The following ARID1B variants were observed in gnomAD, a reference collection of about 807,000 sequenced individuals.
ARID1B encodes the protein AT-rich interactive domain-containing protein 1B.
In ARID1B, 30 loss-of-function variants were observed where a neutral mutation model predicts 212.3. The ratio of observed to expected loss-of-function variants is 0.14; its 90% CI spans 0.11 to 0.19. The LOEUF is 0.19. Among genes scored for constraint, ARID1B ranks in the 10% least tolerant of loss-of-function variants. The pLI, the probability that ARID1B is intolerant of heterozygous loss-of-function variation, is 1.00. For missense variants in ARID1B, 2,891 were observed against 3,204.0 expected, an observed-to-expected ratio of 0.90 and a Z score of 2.36; for synonymous variants, 1,402 against 1,301.7, an observed-to-expected ratio of 1.08 and a Z score of -1.66.
At chr6:156,858,404 A>G (rs1365874452) in intron 2 of ARID1B, among the ~76,000 whole-genome samples, 2 of 152,244 alleles carry the variant, frequency 1.3e-5, no homozygotes, top group Non-Finnish European at 2.9e-5. Flanking sequence ...AAGAAATGAC[A>G]AATGTTTGAG....
chr6:156,982,577 G>A (rs1054613669), intron 4 of ARID1B, among the ~76,000 whole-genome samples: 1 of 151,856 alleles, frequency 6.6e-6, no homozygotes, highest in Non-Finnish European at 1.5e-5. Flanking sequence ...TGGATATACT[G>A]GATTTATTGA....
At chr6:156,787,724 C>T (rs980468392) in intron 1 of ARID1B, among the ~76,000 whole-genome samples, 6 of 151,944 alleles carry the variant, frequency 3.9e-5, no homozygotes, top group East Asian at 1.9e-4. Context: ...GACATAATTC[C>T]GAGGGGACTG....
intron 4 of ARID1B, among the ~76,000 whole-genome samples, chr6:156,998,330 C>T (rs1174195084): frequency 1.3e-5 from 2 of 151,864 alleles, no homozygotes; most frequent in African/African-American, 4.8e-5. Context: ...AAGCGATTCT[C>T]CTGCCTCAGC....
intron 8 of ARID1B, among the ~76,000 whole-genome samples, chr6:157,165,722 A>T (rs1297274153): frequency 6.6e-6 from 1 of 152,032 alleles, no homozygotes; most frequent in Non-Finnish European, 1.5e-5. Flanking sequence ...GTTGGCTCAC[A>T]CCTGTAGTTC....
At chr6:157,173,784 A>G (rs564890310) in intron 9 of ARID1B, 1 of 454,180 alleles carries the variant, frequency 2.2e-6, no homozygotes, top group African/African-American at 2.0e-5. Flanking sequence ...TCTTAAGCAC[A>G]CAGAATGACT....
intron 4 of ARID1B, among the ~76,000 whole-genome samples, chr6:157,055,898 G>A (rs1782926829): frequency 6.6e-6 from 1 of 152,160 alleles, no homozygotes. Context: ...ACCCTTCTCA[G>A]TTTCTGGAGG....
intron 4 of ARID1B, among the ~76,000 whole-genome samples, chr6:157,025,829 A>G (rs1266144811): frequency 1.3e-5 from 2 of 152,168 alleles, no homozygotes; most frequent in Non-Finnish European, 2.9e-5. Context: ...AATACCTAGA[A>G]GTAGAGGATT....
intron 3 of ARID1B, among the ~76,000 whole-genome samples, chr6:156,919,472 G>A (rs1790610878): frequency 6.6e-6 from 1 of 152,146 alleles, no homozygotes; most frequent in South Asian, 2.1e-4. Flanking sequence ...TTAGAAAGGG[G>A]ATGGAAGGCT....
rs900063748 is a variant in ARID1B, at chr6:157,204,074, T to C, written c.5394+78T>C. 11 of 1,567,838 alleles carry C rather than the reference T, an allele frequency of 7.0e-6. No homozygotes were observed. The African/African-American group carries it at 1.4e-4, about 19-fold the overall frequency. Reference sequence around the variant, plus strand: ...CCATGCACATTTGTGCTTGAACTAATGCCTGAGTTGATGAGCACTGACCGT... The same window carrying C: ...CCATGCACATTTGTGCTTGAACTAACGCCTGAGTTGATGAGCACTGACCGT... On this transcript the variant is annotated intron_variant, in intron 19 of 19. Coordinates refer to ENST00000636930, the MANE Select transcript of ARID1B (RefSeq NM_001374828.1).
intron 1 of ARID1B, among the ~76,000 whole-genome samples, chr6:156,816,945 G>T (rs138041352): frequency 0.01 from 1,533 of 152,276 alleles, 29 homozygotes; most frequent in African/African-American, 0.035. Flanking sequence ...GCAGAAAGGA[G>T]AAGTGTCTCT....
intron 2 of ARID1B, among the ~76,000 whole-genome samples, chr6:156,900,557 G>C (rs529884238): frequency 6.6e-6 from 1 of 152,246 alleles, no homozygotes; most frequent in African/African-American, 2.4e-5. Context: ...GCTTTTTGCT[G>C]TCCTGATATC....
intron 2 of ARID1B, among the ~76,000 whole-genome samples, chr6:156,875,967 A>G (rs1345780539): frequency 2.6e-5 from 4 of 152,216 alleles, no homozygotes; most frequent in Non-Finnish European, 5.9e-5. Context: ...ATTCCATTCC[A>G]GATTTTAGTG....
chr6:157,194,069 A>G (rs915077224), intron 15 of ARID1B: 2 of 152,204 alleles, frequency 1.3e-5, no homozygotes, highest in African/African-American at 4.8e-5. Context: ...CCTTGGATTC[A>G]TTCCATTATT....
At chr6:156,944,512 A>G (rs1792914580) in intron 4 of ARID1B, among the ~76,000 whole-genome samples, 2 of 152,188 alleles carry the variant, frequency 1.3e-5, no homozygotes, top group Admixed American at 6.5e-5. Context: ...AAAAAACTTC[A>G]TGGGAAAGGG....
chr6:157,006,765 C>A (rs970307135), intron 4 of ARID1B, among the ~76,000 whole-genome samples: 1 of 152,210 alleles, frequency 6.6e-6, no homozygotes, highest in Non-Finnish European at 1.5e-5. Context: ...CAGCACACAG[C>A]TGCAATTTCT....
At position 156,935,534 on chromosome 6, in the gene ARID1B, A is replaced by G. The variant is rs139125255; in HGVS notation, c.2205A>G (p.Glu735=). 6.2e-7 allele frequency: 1 copy of G among 1,613,950 alleles called. No homozygotes were observed. The highest frequency in any genetic ancestry group is 1.1e-5 in the South Asian group (1 of 91,076). ...TGGCCCCCGGAAAACCTAACCATGA[A>G]GACTTGAACTTAATACAGCAAGAAA... ...PPLAPGKPNH[E]DLNLIQQERP... is the part of the protein sequence containing the mutation. Residue 735 remains glutamate, a synonymous_variant, in exon 4 of 20, where the codon GAA becomes GAG. Transcript: ENST00000636930.
chr6:156,869,607 CTTTAT>C (rs1481416260), intron 2 of ARID1B, among the ~76,000 whole-genome samples: 1 of 152,162 alleles, frequency 6.6e-6, no homozygotes, highest in Non-Finnish European at 1.5e-5. Context: ...CATGGAAAGA[CTTTAT>C]TTTATCATGC....
At chr6:156,842,250 G>T (rs1330997284) in intron 2 of ARID1B, among the ~76,000 whole-genome samples, 1 of 152,118 alleles carries the variant, frequency 6.6e-6, no homozygotes, top group Admixed American at 6.5e-5. Flanking sequence ...TGAGACCCCT[G>T]GATTCATTAC....
At chr6:157,029,398 C>T (rs1229279436) in intron 4 of ARID1B, among the ~76,000 whole-genome samples, 2 of 152,192 alleles carry the variant, frequency 1.3e-5, no homozygotes, top group Admixed American at 6.5e-5. Context: ...TAGTCTTTAG[C>T]GCATTCATTC....
Sources: gnomAD v4.1 joint callset for allele counts (sites outside exome capture counted in the v4.1 genomes callset) on GRCh38, gnomAD v4.1.1 for gene constraint, MANE v1.5 for transcripts, NCBI Gene and HGNC (gene_info 2026-07-23, HGNC 2026-07-21) for gene names.